The following USP43 variants were observed in gnomAD, a reference collection of about 807,000 sequenced individuals.
USP43 encodes the protein ubiquitin specific peptidase 43.
A neutral mutation model predicts 90.7 loss-of-function variants in USP43; 33 were observed. The ratio of observed to expected loss-of-function variants is 0.36; its 90% CI spans 0.28 to 0.49. USP43 has a LOEUF of 0.49. Among genes scored for constraint, USP43 ranks in the 20% least tolerant of loss-of-function variants. The pLI is 0.98. For missense variants in USP43, 1,274 were observed against 1,476.4 expected, an observed-to-expected ratio of 0.86 and a Z score of 2.25; for synonymous variants, 598 against 615.8, an observed-to-expected ratio of 0.97 and a Z score of 0.43.
chr17:9,726,943 T>C (rs1308914063), intron 14 of USP43, among the ~76,000 whole-genome samples: 7 of 152,158 alleles, frequency 4.6e-5, no homozygotes, highest in Admixed American at 1.3e-4. Context: ...ATTTTAATGG[T>C]ACAGTGACTG....
intron 14 of USP43, among the ~76,000 whole-genome samples, chr17:9,724,115 C>T (rs77070938): frequency 0.04 from 6,108 of 152,260 alleles, 223 homozygotes; most frequent in East Asian, 0.21. Flanking sequence ...CTGTCCCACC[C>T]TCTCATGTAT....
chr17:9,660,683 G>A (rs1036055506), intron 2 of USP43, among the ~76,000 whole-genome samples: 1 of 152,160 alleles, frequency 6.6e-6, no homozygotes, highest in Non-Finnish European at 1.5e-5. Context: ...TCTGCCCCTC[G>A]CTCCCTGGCC....
Position 9,729,122 on chromosome 17 carries a change from T to TG in USP43, c.*132_*133insG. 1 of 893,334 alleles carries TG rather than the reference T, an allele frequency of 1.1e-6. No homozygotes were observed. The highest frequency in any genetic ancestry group is 1.5e-6 in the Non-Finnish European group (1 of 646,782). The allele number at this position is 893,334 out of a possible 1,614,324, so 55.3% of individuals were successfully genotyped here. Reference sequence around the variant, plus strand: ...TCTCTAAAAAAAAATTTTTTTTTTTTTGTGGTGGGGGGTCTCCATATCTAG... The same window carrying TG: ...TCTCTAAAAAAAAATTTTTTTTTTTTGTGTGGTGGGGGGTCTCCATATCTAG... On this transcript the variant is annotated 3_prime_UTR_variant, in exon 15 of 15. Transcript: ENST00000285199.
chr17:9,719,641 C>T (rs905830162), intron 14 of USP43, among the ~76,000 whole-genome samples: 13 of 152,208 alleles, frequency 8.5e-5, no homozygotes, highest in African/African-American at 3.1e-4. Context: ...GACATACATT[C>T]CAGATTAGAG....
At chr17:9,705,491 A>T (rs1915817435) in intron 12 of USP43, among the ~76,000 whole-genome samples, 1 of 152,092 alleles carries the variant, frequency 6.6e-6, no homozygotes, top group African/African-American at 2.4e-5. Flanking sequence ...GTGGTGGCTC[A>T]CGCCTGTAAT....
At position 9,682,940 on chromosome 17, in the gene USP43, C is replaced by T; in HGVS notation, c.1223C>T (p.Ser408Leu). 6.2e-7 allele frequency: 1 copy of T among 1,613,810 alleles called. No homozygotes were observed. Among genetic ancestry groups the T allele is most frequent in the South Asian group, 1.1e-5 (1 of 91,030 alleles). The change falls in exon 7 of 15, where the codon TCA becomes TTA. Residue 408 changes from serine (S) to leucine (L), a missense_variant. This residue lies in a region of USP43 where 253 missense variants were observed against 276.0 expected (regional missense o/e 0.92). Transcript: ENST00000285199. ...VLILFCNLVG[S>L]GQQASRFGPP... ...ATCCTCTTCTGTAACTTGGTGGGGT[C>T]AGGGCAGCAGGCTAGCAGGTATGTT... is the stretch of plus-strand genomic sequence containing the variant.
At chr17:9,678,632 G>T in intron 5 of USP43, among the ~76,000 whole-genome samples, 1 of 151,774 alleles carries the variant, frequency 6.6e-6, no homozygotes. Flanking sequence ...GAGCCACTGC[G>T]CCCGGCCTGT....
chr17:9,652,120 C>T lies in USP43; in HGVS notation c.505-4283C>T, dbSNP rs376179594. 2.0e-3 allele frequency among the ~76,000 whole-genome samples: 307 copies of T among 150,420 alleles called. 1 individual carries two copies. Among genetic ancestry groups the T allele is most frequent in the Middle Eastern group, 6.8e-3 (2 of 292 alleles). On this transcript the variant is annotated intron_variant, in intron 1 of 14. Coordinates refer to ENST00000285199, the MANE Select transcript of USP43 (RefSeq NM_153210.5). Reference sequence around the variant, plus strand: ...AAATCTAGGGCTGAGCACAGTGGCTCATGCCTGTAATCCTAGCACTTTGAG... The same window carrying T: ...AAATCTAGGGCTGAGCACAGTGGCTTATGCCTGTAATCCTAGCACTTTGAG...
Position 9,674,119 on chromosome 17 carries a change from G to A in USP43, c.741-772G>A, listed in dbSNP as rs1913614299. The stretch of plus-strand genomic sequence containing the variant: ...TTCCTGTGGTTCTGGGGCACAGTGA[G>A]GCTGAGAAGCAGGGGAAGAGATGGT... On this transcript the variant is annotated intron_variant, in intron 3 of 14. Coordinates refer to ENST00000285199, the MANE Select transcript of USP43 (RefSeq NM_153210.5). The surrounding 1 kb of genome is among the most constrained non-coding windows in gnomAD (Gnocchi z 4.4). Among the ~76,000 whole-genome samples, 1 of 152,146 alleles carries A rather than the reference G, an allele frequency of 6.6e-6. No individual in the cohort carries two copies. Among genetic ancestry groups the A allele is most frequent in the African/African-American group, 2.4e-5 (1 of 41,424 alleles).
intron 8 of USP43, among the ~76,000 whole-genome samples, chr17:9,690,892 A>G (rs1203162435): frequency 1.3e-5 from 2 of 152,148 alleles, no homozygotes; most frequent in Non-Finnish European, 2.9e-5. Flanking sequence ...CAAACAAACA[A>G]ACAAACTATA....
At chr17:9,655,270 C>G (rs764398965) in intron 1 of USP43, among the ~76,000 whole-genome samples, 125 of 152,244 alleles carry the variant, frequency 8.2e-4, no homozygotes, top group Non-Finnish European at 1.2e-3. Context: ...ACGGCCATCA[C>G]GTGCTGTGTG....
chr17:9,674,148 G>C lies in USP43; in HGVS notation c.741-743G>C, dbSNP rs775040186. Among the ~76,000 whole-genome samples the C allele has an allele frequency of 1.7e-4, 26 of 152,114 alleles. 1 individual carries two copies. Among genetic ancestry groups the C allele is most frequent in the Non-Finnish European group, 2.9e-4 (20 of 68,036 alleles). On this transcript the variant is annotated intron_variant, in intron 3 of 14. Coordinates refer to ENST00000285199, the MANE Select transcript of USP43 (RefSeq NM_153210.5). This position sits in a 1 kb window ranked among gnomAD's most constrained non-coding sequence, Gnocchi z 4.4. ...GAGAAGCAGGGGAAGAGATGGTCCT[G>C]AGATCCCTTCAGCTTGGAAGTTGGC...
chr17:9,686,703 T>C lies in USP43; in HGVS notation c.1242-95T>C. The C allele has an allele frequency of 9.6e-7, 1 of 1,039,280 alleles. No individual in the cohort carries two copies. The highest frequency in any genetic ancestry group is 1.4e-6 in the Non-Finnish European group (1 of 698,068). The allele number at this position is 1,039,280 out of a possible 1,614,324, so 64.4% of individuals were successfully genotyped here. ...TGCTTAGCTCTTGTCACTTATCCTA[T>C]TGACAGGAAGCCAGGGTTAGAACAA... On this transcript the variant is annotated intron_variant, in intron 7 of 14. Coordinates refer to ENST00000285199, the MANE Select transcript of USP43 (RefSeq NM_153210.5). This position sits in a 1 kb window ranked among gnomAD's most constrained non-coding sequence, Gnocchi z 5.5.
intron 1 of USP43, among the ~76,000 whole-genome samples, chr17:9,649,073 T>G (rs1300527874): frequency 6.6e-6 from 1 of 151,632 alleles, no homozygotes; most frequent in Non-Finnish European, 1.5e-5. Flanking sequence ...TCACTACAGT[T>G]TTCAATTCCT....
chr17:9,695,204 T>C (rs1237125036), intron 9 of USP43, among the ~76,000 whole-genome samples: 2 of 147,952 alleles, frequency 1.4e-5, no homozygotes, highest in African/African-American at 2.5e-5. Context: ...CTCTCTGGCA[T>C]CTAATGTGAC....
intron 14 of USP43, among the ~76,000 whole-genome samples, chr17:9,727,569 C>T (rs1917338101): frequency 6.6e-6 from 1 of 151,736 alleles, no homozygotes; most frequent in Non-Finnish European, 1.5e-5. Context: ...GGTACAAGGA[C>T]CTAATATGAC....
rs770013453 is a variant in USP43, at chr17:9,676,734, C to T, written c.834-12C>T. Reference sequence around the variant, plus strand: ...CAGTCCTTTAAGGGTGTTGCCCCTTCCTATTTTCCAGGTTCTTGAGTGTCA... The same window carrying T: ...CAGTCCTTTAAGGGTGTTGCCCCTTTCTATTTTCCAGGTTCTTGAGTGTCA... On this transcript the variant is annotated splice_polypyrimidine_tract_variant and intron_variant, in intron 4 of 14. Coordinates refer to ENST00000285199, the MANE Select transcript of USP43 (RefSeq NM_153210.5). The T allele has an allele frequency of 1.9e-6, 3 of 1,611,536 alleles. No individual in the cohort carries two copies. Among genetic ancestry groups the T allele is most frequent in the Non-Finnish European group, 2.5e-6 (3 of 1,178,760 alleles).
At chr17:9,662,580 C>T (rs1295892554) in intron 2 of USP43, among the ~76,000 whole-genome samples, 2 of 152,124 alleles carry the variant, frequency 1.3e-5, no homozygotes, top group African/African-American at 4.8e-5. Context: ...CTTCATGTCT[C>T]CTGTTCTACC....
chr17:9,710,716 C>T (rs1488037646), intron 13 of USP43, among the ~76,000 whole-genome samples: 1 of 151,838 alleles, frequency 6.6e-6, no homozygotes, highest in East Asian at 1.9e-4. Flanking sequence ...CCATGTTGGC[C>T]AGGAGGATGG....
Sources: allele counts gnomAD v4.1 joint callset (sites outside exome capture counted in the v4.1 genomes callset), GRCh38; gene constraint gnomAD v4.1.1; regional missense constraint gnomAD v4.1.1; non-coding constraint Gnocchi (gnomAD v3.1); transcripts MANE v1.5; gene names NCBI Gene and HGNC (gene_info 2026-07-23, HGNC 2026-07-21).